RIN3: variants seen among roughly 807,000 people sequenced by gnomAD.
RIN3 encodes the protein Ras and Rab interactor 3.
In RIN3, 54 loss-of-function variants were observed where a neutral mutation model predicts 76.3. The ratio of observed to expected loss-of-function variants is 0.71; its 90% CI spans 0.57 to 0.89. RIN3 has a LOEUF of 0.89. Among genes scored for constraint, RIN3 ranks in the 40% least tolerant of loss-of-function variants. The pLI is 0.00. For synonymous variants in RIN3, 576 were observed against 564.0 expected (o/e 1.02, Z -0.30); for missense variants, 1,256 against 1,322.1 (o/e 0.95, Z 0.78).
intron 3 of RIN3, among the ~76,000 whole-genome samples, chr14:92,598,968 G>A (rs1023637530): frequency 6.6e-6 from 1 of 152,152 alleles, no homozygotes; most frequent in Non-Finnish European, 1.5e-5. Context: ...GAATAGAAGT[G>A]TCCTGTTTGG....
At chr14:92,554,875 A>T (rs536194639) in intron 1 of RIN3, among the ~76,000 whole-genome samples, 35 of 152,258 alleles carry the variant, frequency 2.3e-4, no homozygotes, top group Non-Finnish European at 4.3e-4. Flanking sequence ...GTAAGCTGAG[A>T]TCACGCCACT....
At chr14:92,606,463 T>A (rs916721431) in intron 3 of RIN3, among the ~76,000 whole-genome samples, 2 of 152,090 alleles carry the variant, frequency 1.3e-5, no homozygotes, top group Non-Finnish European at 2.9e-5. Context: ...GAGGATTGCT[T>A]AAACCCAGGA....
At chr14:92,570,695 A>G (rs1898041860) in intron 2 of RIN3, among the ~76,000 whole-genome samples, 1 of 151,434 alleles carries the variant, frequency 6.6e-6, no homozygotes, top group Non-Finnish European at 1.5e-5. Flanking sequence ...AGAAAATGTG[A>G]TTAATTATGG....
chr14:92,540,814 G>A (rs61977351), intron 1 of RIN3, among the ~76,000 whole-genome samples: 6,833 of 152,272 alleles, frequency 0.045, 221 homozygotes, highest in Non-Finnish European at 0.066. Context: ...GCCAAGGGTC[G>A]GTTGAGTCAC....
chr14:92,659,983 C>T (rs761772921), intron 7 of RIN3, among the ~76,000 whole-genome samples: 1 of 152,130 alleles, frequency 6.6e-6, no homozygotes, highest in Non-Finnish European at 1.5e-5. Context: ...TGTCTGTGTC[C>T]CAATTTCCTC....
At chr14:92,566,309 T>C (rs889623801) in intron 2 of RIN3, among the ~76,000 whole-genome samples, 1 of 152,196 alleles carries the variant, frequency 6.6e-6, no homozygotes, top group African/African-American at 2.4e-5. Flanking sequence ...GTCCTCAGGT[T>C]TCTCACCTCA....
rs1162036335 is a variant in RIN3, at chr14:92,688,246, C to T, written c.2952C>T (p.Phe984=). 2.5e-6 allele frequency: 4 copies of T among 1,583,436 alleles called. No homozygotes were observed. Among genetic ancestry groups the T allele is most frequent in the African/African-American group, 1.3e-5 (1 of 74,488 alleles). Residue 984 remains phenylalanine (F), a synonymous_variant, in exon 10 of 10, where the codon TTC becomes TTT. Transcript: ENST00000216487. ...GCCTGGTGGTGCGGGAGCCCAACTT[C>T]CTGTGAGGCCCTCCCGGGGCGCCTC... ...PPCLVVREPN[F]L
At chr14:92,660,865 T>A (rs1178573974) in intron 7 of RIN3, among the ~76,000 whole-genome samples, 2 of 152,188 alleles carry the variant, frequency 1.3e-5, no homozygotes, top group African/African-American at 4.8e-5. Flanking sequence ...ATGAAGAGAA[T>A]GCTGGCAGGA....
At chr14:92,669,354 C>A (rs889035021) in intron 7 of RIN3, among the ~76,000 whole-genome samples, 1 of 152,142 alleles carries the variant, frequency 6.6e-6, no homozygotes, top group African/African-American at 2.4e-5. Context: ...AGTTTGCTGT[C>A]CTGGGACTGG....
At chr14:92,528,064 G>A (rs1382061139) in intron 1 of RIN3, among the ~76,000 whole-genome samples, 2 of 147,804 alleles carry the variant, frequency 1.4e-5, no homozygotes, top group African/African-American at 4.9e-5. Context: ...GTGGAAGGGG[G>A]CTGCTGGGGG....
chr14:92,635,394 A>C (rs1279659589), intron 4 of RIN3, among the ~76,000 whole-genome samples: 2 of 152,210 alleles, frequency 1.3e-5, no homozygotes, highest in Non-Finnish European at 2.9e-5. Context: ...AGGCTGCTCC[A>C]TTAGCTTGGG....
rs372608986 is a variant in RIN3 at position 92,564,403 on chromosome 14, A to G, written c.249+8448A>G. ...ATTTCCTGGATTGCGTTAATTTACC[A>G]TGAAACTCACCCTCTTGCAAGCCTC... On this transcript the variant is annotated intron_variant, in intron 2 of 9. Transcript: ENST00000216487. Among the ~76,000 whole-genome samples, 30 of 152,272 alleles carry G rather than the reference A, an allele frequency of 2.0e-4. No homozygotes were observed. In the East Asian group the frequency reaches 2.3e-3, roughly 12 times the overall value.
At chr14:92,645,955 A>G (rs1267090935) in intron 5 of RIN3, among the ~76,000 whole-genome samples, 1 of 148,944 alleles carries the variant, frequency 6.7e-6, no homozygotes, top group Non-Finnish European at 1.5e-5. Flanking sequence ...CTCTCTCAAA[A>G]AAAAAAAAAA....
chr14:92,555,922 G>C lies in RIN3; in HGVS notation c.216G>C (p.Glu72Asp). 6.2e-7 allele frequency: 1 copy of C among 1,613,464 alleles called. No individual in the cohort carries two copies. Among genetic ancestry groups the C allele is most frequent in the Non-Finnish European group, 8.5e-7 (1 of 1,180,022 alleles). Residue 72 changes from glutamate to aspartate, a missense_variant, in exon 2 of 10, where the codon GAG (glutamate) becomes GAC (aspartate). Physicochemically the swap from Glu to Asp is conservative, Grantham distance 45. This residue lies in a region of RIN3 where 610 missense variants were observed against 626.4 expected (regional missense o/e 0.97). Coordinates refer to ENST00000216487, the MANE Select transcript of RIN3 (RefSeq NM_024832.5). ...TGCAGCTGAGTCTGGGCCAGGCAGAGGTGGCCAGGATCCTGCACCGGGTGG... is the reference window on the plus strand; with the variant it reads ...TGCAGCTGAGTCTGGGCCAGGCAGACGTGGCCAGGATCCTGCACCGGGTGG... Reference protein sequence around the residue: ...VWLQLSLGQAEVARILHRVVA... With the variant: ...VWLQLSLGQADVARILHRVVA...
chr14:92,584,994 CT>C (rs1157306334), intron 3 of RIN3, among the ~76,000 whole-genome samples: 23 of 152,258 alleles, frequency 1.5e-4, no homozygotes, highest in African/African-American at 4.3e-4. Context: ...GCCTATTCCC[CT>C]GGCTTGCTTT....
At chr14:92,532,483 G>A (rs28578034) in intron 1 of RIN3, among the ~76,000 whole-genome samples, 23,076 of 152,128 alleles carry the variant, frequency 0.15, 2,032 homozygotes, top group Admixed American at 0.22. Context: ...ACACTGAAAG[G>A]CCAGCCTCAG....
At chr14:92,604,909 C>CTTT (rs148326639) in intron 3 of RIN3, among the ~76,000 whole-genome samples, 302 of 90,038 alleles carry the variant, frequency 3.4e-3, no homozygotes, top group Non-Finnish European at 4.4e-3. Flanking sequence ...CCATTTTCCT[C>CTTT]TTTTTTTTTT....
At position 92,553,180 on chromosome 14, in the gene RIN3, C is replaced by T. The variant is rs146251987; in HGVS notation, c.45-2571C>T. 2.0e-4 allele frequency among the ~76,000 whole-genome samples: 30 copies of T among 152,180 alleles called. No homozygotes were observed. The East Asian group carries it at 5.4e-3, about 27-fold the overall frequency. On this transcript the variant is annotated intron_variant, in intron 1 of 9. Coordinates refer to ENST00000216487, the MANE Select transcript of RIN3 (RefSeq NM_024832.5). ...CTTGGCCAAGTGCTAAGCCATAGTT[C>T]GTGGCAAAGAAGAAATGAAGCTGAT...
chr14:92,569,947 G>A (rs1198276274), intron 2 of RIN3, among the ~76,000 whole-genome samples: 3 of 152,134 alleles, frequency 2.0e-5, no homozygotes, highest in Non-Finnish European at 4.4e-5. Flanking sequence ...TTTCATTCTG[G>A]AAAAAGAAAT....
Sources: allele counts gnomAD v4.1 joint callset (sites outside exome capture counted in the v4.1 genomes callset), GRCh38; gene constraint gnomAD v4.1.1; regional missense constraint gnomAD v4.1.1; transcripts MANE v1.5; gene names NCBI Gene and HGNC (gene_info 2026-07-23, HGNC 2026-07-21).